The following SHC3 variants were observed in gnomAD, a reference collection of about 807,000 sequenced individuals.
SHC3 encodes the protein SHC adaptor protein 3.
In SHC3, 15 loss-of-function variants were observed where a neutral mutation model predicts 60.4. That is an observed-to-expected ratio of 0.25 (90% CI 0.17 to 0.38). The LOEUF is 0.38. Ranked by LOEUF, SHC3 falls within the 10% of genes least tolerant of loss-of-function variation. The pLI, the probability that SHC3 is intolerant of heterozygous loss-of-function variation, is 1.00. For missense variants in SHC3, 677 were observed against 786.1 expected, an observed-to-expected ratio of 0.86 and a Z score of 1.66; for synonymous variants, 294 against 325.9, an observed-to-expected ratio of 0.90 and a Z score of 1.05.
intron 11 of SHC3, among the ~76,000 whole-genome samples, chr9:89,015,841 C>A (rs1005090314): frequency 5.3e-5 from 8 of 152,182 alleles, no homozygotes; most frequent in Admixed American, 1.3e-4. Flanking sequence ...AAATAAAAAT[C>A]AAGATGAAAG....
intron 1 of SHC3, among the ~76,000 whole-genome samples, chr9:89,170,527 C>T (rs1826854260): frequency 6.6e-6 from 1 of 152,116 alleles, no homozygotes; most frequent in African/African-American, 2.4e-5. Flanking sequence ...GTGCCTGTGT[C>T]CCAGCTATTC....
chr9:89,143,652 T>C (rs752068271), intron 1 of SHC3, among the ~76,000 whole-genome samples: 3 of 152,110 alleles, frequency 2.0e-5, no homozygotes, highest in Non-Finnish European at 4.4e-5. Flanking sequence ...GGTCCAAGTA[T>C]AACAGAAATT....
At position 89,013,398 on chromosome 9, in the gene SHC3, C is replaced by G; in HGVS notation, c.*49G>C. 1.4e-6 allele frequency: 2 copies of G among 1,447,856 alleles called. No homozygotes were observed. The highest frequency in any genetic ancestry group is 1.8e-6 in the Non-Finnish European group (2 of 1,093,926). 89.7% of individuals were successfully genotyped at this position (1,447,856 alleles called of 1,614,324 possible). ...CCAGCAGCCCCGATTCTAGTCCACT[C>G]CAGGTCCTCCTGACCTGGTGCGCAG... On this transcript the variant is annotated 3_prime_UTR_variant, in exon 12 of 12. Coordinates refer to ENST00000375835, the MANE Select transcript of SHC3 (RefSeq NM_016848.6).
intron 1 of SHC3, among the ~76,000 whole-genome samples, chr9:89,137,838 A>G (rs1476495019): frequency 6.6e-6 from 1 of 152,210 alleles, no homozygotes; most frequent in East Asian, 1.9e-4. Context: ...ATCAGGAGCA[A>G]GAGGAAAATA....
At chr9:89,077,983 A>T (rs1825386861) in intron 2 of SHC3, 80 bp from the exon 3 acceptor site, 1 of 1,495,744 alleles carries the variant, frequency 6.7e-7, no homozygotes, top group African/African-American at 1.4e-5. Flanking sequence ...TTGCACATCC[A>T]AAGAAAATAA....
chr9:89,143,208 G>C (rs1467488380), intron 1 of SHC3, among the ~76,000 whole-genome samples: 1 of 152,022 alleles, frequency 6.6e-6, no homozygotes, highest in Non-Finnish European at 1.5e-5. Flanking sequence ...GATTATTAAT[G>C]CCTCCCCTGT....
At chr9:89,056,438 C>T (rs187299475) in intron 6 of SHC3, among the ~76,000 whole-genome samples, 1 of 152,240 alleles carries the variant, frequency 6.6e-6, no homozygotes, top group East Asian at 1.9e-4. Flanking sequence ...AGGGTTTCAC[C>T]ATGTTGACCA....
chr9:89,080,687 A>G (rs1039460114), intron 2 of SHC3, among the ~76,000 whole-genome samples: 52 of 151,562 alleles, frequency 3.4e-4, no homozygotes, highest in African/African-American at 1.0e-3. Context: ...CACAAATTGA[A>G]ATCATTTGTA....
intron 1 of SHC3, among the ~76,000 whole-genome samples, chr9:89,172,428 C>T (rs1826882249): frequency 6.6e-6 from 1 of 152,064 alleles, no homozygotes; most frequent in African/African-American, 2.4e-5. Flanking sequence ...TTTAACTCAA[C>T]AGAAAATGAG....
intron 1 of SHC3, among the ~76,000 whole-genome samples, chr9:89,144,351 G>T (rs1470378225): frequency 6.6e-6 from 1 of 152,178 alleles, no homozygotes; most frequent in Non-Finnish European, 1.5e-5. Flanking sequence ...TAACAGGATG[G>T]CTCTCAAACT....
intron 4 of SHC3, 111 bp downstream of exon 4, chr9:89,074,998 T>C: frequency 7.1e-7 from 1 of 1,404,306 alleles, no homozygotes; most frequent in Non-Finnish European, 9.4e-7. Flanking sequence ...CTAGTAAAAA[T>C]TTGACACAAA....
At position 89,054,531 on chromosome 9, in the gene SHC3, A is replaced by G. The variant is rs141285483; in HGVS notation, c.836-2368T>C. 4.7e-3 allele frequency among the ~76,000 whole-genome samples: 714 copies of G among 152,338 alleles called. 5 individuals are homozygous for G. Among genetic ancestry groups the G allele is most frequent in the African/African-American group, 0.017 (694 of 41,578 alleles). The stretch of plus-strand genomic sequence containing the variant: ...TATTGACACTTAGCCAAAAGCCACA[A>G]TCTTCTAGCCTGCCCTGTGTGATTT... On this transcript the variant is annotated intron_variant, in intron 6 of 11. Coordinates refer to ENST00000375835, the MANE Select transcript of SHC3 (RefSeq NM_016848.6).
chr9:89,086,971 A>G (rs1176327521), intron 2 of SHC3, among the ~76,000 whole-genome samples: 1 of 152,142 alleles, frequency 6.6e-6, no homozygotes, highest in African/African-American at 2.4e-5. Context: ...ATATACAATA[A>G]ATATATACAC....
rs142602781 is a variant in SHC3, at chr9:89,094,063, C to A, written c.546-16160G>T. ...AGGTTGCAGTGAGCCGAGATTGCAC[C>A]ATTGCACTCCAGCCTAGGGTACAGA... is the stretch of plus-strand genomic sequence containing the variant. On this transcript the variant is annotated intron_variant, in intron 2 of 11. Transcript: ENST00000375835. Among the ~76,000 whole-genome samples, 213 of 146,724 alleles carry A rather than the reference C, an allele frequency of 1.5e-3. 1 individual carries two copies. Among genetic ancestry groups the A allele is most frequent in the African/African-American group, 5.0e-3 (195 of 39,382 alleles).
chr9:89,113,997 C>T (rs1233568696), intron 1 of SHC3, among the ~76,000 whole-genome samples: 1 of 152,108 alleles, frequency 6.6e-6, no homozygotes, highest in African/African-American at 2.4e-5. Flanking sequence ...GCATCAAAGC[C>T]ACAGAATTAT....
At chr9:89,072,927 A>T (rs901862244) in intron 4 of SHC3, among the ~76,000 whole-genome samples, 1 of 152,232 alleles carries the variant, frequency 6.6e-6, no homozygotes, top group Non-Finnish European at 1.5e-5. Context: ...TACTTTGGTT[A>T]TTGGCACTTA....
chr9:89,092,619 A>G, intron 2 of SHC3, among the ~76,000 whole-genome samples: 1 of 145,924 alleles, frequency 6.9e-6, no homozygotes, highest in South Asian at 2.1e-4. Context: ...CTGTCTCAAA[A>G]AAAAAAAAAA....
chr9:89,046,076 C>G (rs1824770181), intron 8 of SHC3, among the ~76,000 whole-genome samples: 1 of 127,804 alleles, frequency 7.8e-6, no homozygotes, highest in African/African-American at 2.9e-5. Context: ...TTTCATTACC[C>G]CCCCCACCCC....
chr9:89,072,815 G>T (rs979182163), intron 4 of SHC3, among the ~76,000 whole-genome samples: 1 of 152,144 alleles, frequency 6.6e-6, no homozygotes, highest in African/African-American at 2.4e-5. Context: ...GATTTATATA[G>T]CTATAATCAT....
Sources: allele counts gnomAD v4.1 joint callset (sites outside exome capture counted in the v4.1 genomes callset), GRCh38; gene constraint gnomAD v4.1.1; transcripts MANE v1.5; gene names NCBI Gene and HGNC (gene_info 2026-07-23, HGNC 2026-07-21).